The following WNK2 variants were observed in gnomAD, a reference collection of about 807,000 sequenced individuals.
WNK2 encodes WNK lysine deficient protein kinase 2.
A neutral mutation model predicts 192.1 loss-of-function variants in WNK2; 67 were observed. The ratio of observed to expected loss-of-function variants is 0.35; its 90% CI spans 0.29 to 0.43. The LOEUF is 0.43. Among genes scored for constraint, WNK2 ranks in the 20% least tolerant of loss-of-function variants. The pLI, the probability that WNK2 is intolerant of heterozygous loss-of-function variation, is 1.00. For synonymous variants in WNK2, 1,439 were observed against 1,393.9 expected (o/e 1.03, Z -0.72); for missense variants, 2,698 against 3,089.7 (o/e 0.87, Z 3.01).
Position 93,184,916 on chromosome 9 carries a change from C to A in WNK2, c.-2-12C>A. 8.2e-7 allele frequency: 1 copy of A among 1,219,384 alleles called. No individual in the cohort carries two copies. The highest frequency in any genetic ancestry group is 4.0e-5 in the South Asian group (1 of 24,694). 75.5% of individuals were successfully genotyped at this position (1,219,384 alleles called of 1,614,324 possible). Reference sequence around the variant, plus strand: ...CGGCGCTCACGCGGGCCTGTGTGTCCTTGGCCCACAGAGATGGACGGCGAT... The same window carrying A: ...CGGCGCTCACGCGGGCCTGTGTGTCATTGGCCCACAGAGATGGACGGCGAT... On this transcript the variant is annotated splice_polypyrimidine_tract_variant and intron_variant, in intron 1 of 29. Transcript: ENST00000427277.
intron 21 of WNK2, among the ~76,000 whole-genome samples, chr9:93,290,496 T>C (rs939069798): frequency 6.6e-6 from 1 of 152,224 alleles, no homozygotes; most frequent in South Asian, 2.1e-4. Flanking sequence ...AGCCACATGC[T>C]AACACTCTAG....
intron 2 of WNK2, among the ~76,000 whole-genome samples, chr9:93,199,876 C>T (rs988537152): frequency 9.2e-5 from 10 of 108,710 alleles, no homozygotes; most frequent in East Asian, 3.2e-4. Flanking sequence ...CCAGCCTGGG[C>T]GACAGAGCAA....
chr9:93,209,947 G>A (rs1834190221), intron 2 of WNK2, among the ~76,000 whole-genome samples: 1 of 152,166 alleles, frequency 6.6e-6, no homozygotes. Context: ...CACGCCTGTG[G>A]GCACCAAGAT....
chr9:93,312,010 G>T (rs185140159), intron 28 of WNK2, among the ~76,000 whole-genome samples: 194 of 152,304 alleles, frequency 1.3e-3, no homozygotes, highest in Non-Finnish European at 3.2e-4. Context: ...TTTCCTAATT[G>T]AGTAGTGATA....
At chr9:93,208,267 C>T (rs1833752591) in intron 2 of WNK2, among the ~76,000 whole-genome samples, 1 of 152,234 alleles carries the variant, frequency 6.6e-6, no homozygotes, top group African/African-American at 2.4e-5. Flanking sequence ...TTCATGTTAT[C>T]TGCCGCCCTC....
intron 7 of WNK2, among the ~76,000 whole-genome samples, chr9:93,242,789 G>A (rs899709192): frequency 2.6e-5 from 4 of 152,222 alleles, no homozygotes; most frequent in Non-Finnish European, 5.9e-5. Flanking sequence ...TGGGGCAGCT[G>A]TGCTGGCTCT....
At chr9:93,318,113 C>A in intron 29 of WNK2, 1 of 1,563,336 alleles carries the variant, frequency 6.4e-7, no homozygotes, top group Non-Finnish European at 8.7e-7. Context: ...TGCAGAAGTA[C>A]AGTGCCTTGA....
rs1844119201 is a variant in WNK2, at chr9:93,260,893, G to T, written c.3067-921G>T. Among the ~76,000 whole-genome samples the T allele has an allele frequency of 3.3e-5, 5 of 152,190 alleles. No homozygotes were observed. In the South Asian group the frequency reaches 1.0e-3, roughly 32 times the overall value. The stretch of plus-strand genomic sequence containing the variant: ...AGCAGGAGGGGGACCTTGCTGTCTG[G>T]GCTTTCCTACCTGAAGAGCCTTTCT... On this transcript the variant is annotated intron_variant, in intron 12 of 29. Transcript: ENST00000427277.
intron 29 of WNK2, 76 bp from the exon 30 acceptor site, chr9:93,320,291 G>C: frequency 6.6e-6 from 9 of 1,360,406 alleles, no homozygotes; most frequent in Non-Finnish European, 8.8e-6. Flanking sequence ...TCCTGGGAGG[G>C]TGTCAGGGCC....
intron 2 of WNK2, among the ~76,000 whole-genome samples, chr9:93,192,809 A>G (rs917838464): frequency 2.0e-5 from 3 of 152,140 alleles, no homozygotes; most frequent in African/African-American, 4.8e-5. Flanking sequence ...GCTGGCCACC[A>G]TGAGTCCACG....
chr9:93,233,280 C>A (rs1355547319), intron 4 of WNK2, among the ~76,000 whole-genome samples: 2 of 151,994 alleles, frequency 1.3e-5, no homozygotes, highest in Non-Finnish European at 2.9e-5. Flanking sequence ...AATAAAAGTT[C>A]CCGGCGTCAG....
intron 26 of WNK2, among the ~76,000 whole-genome samples, chr9:93,302,202 C>A (rs1030963530): frequency 4.6e-5 from 7 of 152,186 alleles, no homozygotes; most frequent in South Asian, 2.1e-4. Flanking sequence ...GGAAAGACTG[C>A]AGGGGTGGGC....
intron 2 of WNK2, among the ~76,000 whole-genome samples, chr9:93,191,627 T>C (rs1390423243): frequency 6.6e-6 from 1 of 151,768 alleles, no homozygotes; most frequent in Non-Finnish European, 1.5e-5. Flanking sequence ...GGTGAGAGAT[T>C]ACAGGGCTGG....
intron 14 of WNK2, 47 bp from the exon 15 acceptor site, chr9:93,263,519 G>A (rs1251063267): frequency 8.1e-6 from 13 of 1,599,666 alleles, no homozygotes; most frequent in African/African-American, 4.0e-5. Flanking sequence ...CATTGCCGAC[G>A]TGCTGGTTGT....
At chr9:93,297,741 G>T (rs1285337682) in intron 23 of WNK2, 112 bp from the exon 24 acceptor site, 1 of 1,109,254 alleles carries the variant, frequency 9.0e-7, no homozygotes, top group African/African-American at 1.6e-5. Context: ...GCACAGGCAG[G>T]GTGCCCACCC....
chr9:93,239,126 G>A lies in WNK2; in HGVS notation c.1323-631G>A, dbSNP rs967769628. On this transcript the variant is annotated intron_variant, in intron 6 of 29. Coordinates refer to ENST00000427277, the MANE Select transcript of WNK2 (RefSeq NM_006648.4). The surrounding 1 kb of genome is among the most constrained non-coding windows in gnomAD (Gnocchi z 4.2). ...GGGTGGCCAAGCCCTGCAGAGCCCCGAAGTGGTCACCATGGCAACACCCTG... is the reference window on the plus strand; with the variant it reads ...GGGTGGCCAAGCCCTGCAGAGCCCCAAAGTGGTCACCATGGCAACACCCTG... Among the ~76,000 whole-genome samples the A allele has an allele frequency of 1.4e-4, 21 of 152,202 alleles. No individual in the cohort carries two copies. The highest frequency in any genetic ancestry group is 3.2e-3 in the Middle Eastern group (1 of 316).
At chr9:93,318,019 C>G (rs770729213) in intron 29 of WNK2, 19 of 1,612,612 alleles carry the variant, frequency 1.2e-5, no homozygotes, top group Non-Finnish European at 1.5e-5. Flanking sequence ...AGACCCTGTT[C>G]GCTCCTAGGT....
rs535721257 is a variant in WNK2 at position 93,262,097 on chromosome 9, C to G, written c.3350C>G (p.Pro1117Arg). The G allele has an allele frequency of 1.1e-5, 17 of 1,597,982 alleles. No individual in the cohort carries two copies. The highest frequency in any genetic ancestry group is 1.3e-5 in the Non-Finnish European group (15 of 1,170,252). ...PCPTVQLTVE[P>R]VQEEQASQDK... ...CCAACTGTCCAGCTGACGGTGGAAC[C>G]AGTCCAAGAGGTGTGTGCCCCTCCC... Residue 1117 changes from proline (P) to arginine (R), a missense_variant, in exon 13 of 30, where the codon CCA (proline) becomes CGA (arginine). Physicochemically the swap from Pro to Arg is moderately radical, Grantham distance 103. Transcript: ENST00000427277.
rs77255879 is a variant in WNK2, at chr9:93,317,207, T to C, written c.6517-313T>C. The C allele has an allele frequency of 7.0e-3, 3,419 of 487,814 alleles. 71 individuals carry two copies. The highest frequency in any genetic ancestry group is 0.045 in the East Asian group (1,171 of 25,788). 30.2% of individuals were successfully genotyped at this position (487,814 alleles called of 1,614,324 possible). A position where few individuals can be genotyped will look rare whatever the true frequency, so the allele number is the denominator to read the frequency against. On this transcript the variant is annotated intron_variant, in intron 28 of 29. Coordinates refer to ENST00000427277, the MANE Select transcript of WNK2 (RefSeq NM_006648.4). ...TTTGTGGTGGCTGAGTAGAGGCATG[T>C]GGGGTCACTCATGCGCCCTCAGGGT...
Sources: allele counts gnomAD v4.1 joint callset (sites outside exome capture counted in the v4.1 genomes callset), GRCh38; gene constraint gnomAD v4.1.1; non-coding constraint Gnocchi (gnomAD v3.1); transcripts MANE v1.5; gene names NCBI Gene and HGNC (gene_info 2026-07-23, HGNC 2026-07-21).